The following RNF19B variants were observed in gnomAD, a reference collection of about 807,000 sequenced individuals.
The protein encoded by RNF19B is E3 ubiquitin-protein ligase RNF19B.
In RNF19B, 23 loss-of-function variants were observed where a neutral mutation model predicts 65.5. The observed-to-expected ratio is 0.35, with a 90% CI of 0.25 to 0.50. The LOEUF is 0.50. RNF19B is among the 20% of genes least tolerant of loss of function. The probability of loss-of-function intolerance (pLI) is 0.98; values close to 1 mark genes in which losing one functional copy is unlikely to be tolerated. For synonymous variants in RNF19B, 372 were observed against 379.6 expected, an observed-to-expected ratio of 0.98 and a Z score of 0.23; for missense variants, 794 against 980.0, an observed-to-expected ratio of 0.81 and a Z score of 2.53.
intron 5 of RNF19B, 97 bp from the exon 6 acceptor site, chr1:32,944,256 G>T: frequency 7.3e-7 from 1 of 1,365,370 alleles, no homozygotes; most frequent in Non-Finnish European, 9.9e-7. Context: ...ACTTTATAAA[G>T]AAAGGAAGAC....
At position 32,936,902 on chromosome 1, in the gene RNF19B, G is replaced by C; in HGVS notation, c.2100C>G (p.Ala700=). Residue 700 remains alanine, a synonymous_variant, in exon 9 of 9, where the codon GCC becomes GCG. Coordinates refer to ENST00000235150, the MANE Select transcript of RNF19B (RefSeq NM_001300826.2). The part of the protein sequence containing the change: ...HTAACPSTPR[A]QGAPSPSAHM... ...GGGCACTTGGGCTCGGTGCACCTTGGGCTCTGGGGGTCGAGGGGCAGGCTG... is the reference window on the plus strand; with the variant it reads ...GGGCACTTGGGCTCGGTGCACCTTGCGCTCTGGGGGTCGAGGGGCAGGCTG... 1.2e-6 allele frequency: 2 copies of C among 1,614,048 alleles called. No homozygotes were observed. Among genetic ancestry groups the C allele is most frequent in the Non-Finnish European group, 1.7e-6 (2 of 1,179,996 alleles).
At chr1:32,938,676 C>G in intron 7 of RNF19B, 148 bp from the exon 8 acceptor site, 2 of 759,076 alleles carry the variant, frequency 2.6e-6, no homozygotes, top group Non-Finnish European at 4.3e-6. Context: ...CAAATAGATG[C>G]CCATACATTT....
chr1:32,964,368 C>T lies in RNF19B; in HGVS notation c.318G>A (p.Ala106=), dbSNP rs1259366327. 6.4e-6 allele frequency: 9 copies of T among 1,403,278 alleles called. No individual in the cohort carries two copies. Among genetic ancestry groups the T allele is most frequent in the Non-Finnish European group, 8.3e-6 (9 of 1,079,586 alleles). The allele number at this position is 1,403,278 out of a possible 1,614,324, so 86.9% of individuals were successfully genotyped here. A position where few individuals can be genotyped will look rare whatever the true frequency, so the allele number is the denominator to read the frequency against. Residue 106 remains alanine (A), a synonymous_variant, in exon 1 of 9, where the codon GCG becomes GCA. Coordinates refer to ENST00000235150, the MANE Select transcript of RNF19B (RefSeq NM_001300826.2). The surrounding 1 kb of genome is among the most constrained non-coding windows in gnomAD (Gnocchi z 6.5). ...AAEPGFDDEE[A]AEGGGPGAEE... is the part of the protein sequence containing the mutation. ...CCGCGCCCGGGCCACCGCCCTCCGC[C>T]GCCTCCTCATCGTCGAACCCAGGCT...
chr1:32,957,184 T>C (rs1570119042), intron 1 of RNF19B, among the ~76,000 whole-genome samples: 1 of 152,318 alleles, frequency 6.6e-6, no homozygotes, highest in Non-Finnish European at 1.5e-5. Flanking sequence ...TCTCTAGTCA[T>C]TTCCCAGGTA....
chr1:32,948,973 G>C (rs958993326), intron 2 of RNF19B, among the ~76,000 whole-genome samples: 1 of 152,288 alleles, frequency 6.6e-6, no homozygotes, highest in East Asian at 1.9e-4. Flanking sequence ...CCAGGAAAAA[G>C]TGAATGGCAA....
At chr1:32,959,141 G>A (rs975466868) in intron 1 of RNF19B, among the ~76,000 whole-genome samples, 1 of 152,168 alleles carries the variant, frequency 6.6e-6, no homozygotes, top group African/African-American at 2.4e-5. Context: ...TTATGGGATG[G>A]TCCAGTCTAG....
In RNF19B at chr1:32,961,449, T is replaced by A. The variant is rs567791510; in HGVS notation, c.635+2602A>T. ...CTGGTTCCACCACTTACTAGTTATA[T>A]GACCCTGAACAAGTCATTCAATTTC... On this transcript the variant is annotated intron_variant, in intron 1 of 8. Coordinates refer to ENST00000235150, the MANE Select transcript of RNF19B (RefSeq NM_001300826.2). Among the ~76,000 whole-genome samples, 92 of 152,362 alleles carry A rather than the reference T, an allele frequency of 6.0e-4. 1 individual carries two copies. The highest frequency in any genetic ancestry group is 6.8e-3 in the Middle Eastern group (2 of 294).
chr1:32,963,700 A>G (rs1181819450), intron 1 of RNF19B, among the ~76,000 whole-genome samples: 1 of 150,582 alleles, frequency 6.6e-6, no homozygotes, highest in East Asian at 2.0e-4. Flanking sequence ...CCTGGGCGGC[A>G]GGGCGAGACT....
chr1:32,962,161 A>C (rs112581891), intron 1 of RNF19B, among the ~76,000 whole-genome samples: 3 of 152,072 alleles, frequency 2.0e-5, no homozygotes, highest in Non-Finnish European at 1.5e-5. Flanking sequence ...CAGAGACAGG[A>C]TACCACTATG....
At chr1:32,943,033 C>A (rs1195139783) in intron 6 of RNF19B, among the ~76,000 whole-genome samples, 1 of 150,842 alleles carries the variant, frequency 6.6e-6, no homozygotes, top group Non-Finnish European at 1.5e-5. Context: ...CCCAGCTACT[C>A]GGGAGGCTGA....
At position 32,948,352 on chromosome 1, in the gene RNF19B, G is replaced by T; in HGVS notation, c.853C>A (p.Pro285Thr). The change falls in exon 3 of 9, where the codon CCA becomes ACA. Residue 285 changes from proline (P) to threonine (T), a missense_variant. By Grantham distance (38) the Pro-to-Thr change is conservative. Around this residue, in one of 3 missense-constraint regions of RNF19B, gnomAD observed 374 missense variants for 423.8 expected, o/e 0.88. Transcript: ENST00000235150. ...GQESGPDDIKPCPRCSAYIIK... is the reference protein window; with the variant it reads ...GQESGPDDIKTCPRCSAYIIK... Reference sequence around the variant, plus strand: ...ATGTATGCACTGCATCGTGGGCATGGCTTGATGTCATCTGCTATGAGTGGG... The same window carrying T: ...ATGTATGCACTGCATCGTGGGCATGTCTTGATGTCATCTGCTATGAGTGGG... The T allele has an allele frequency of 6.2e-7, 1 of 1,613,376 alleles. No homozygotes were observed.
chr1:32,961,526 T>C (rs1236953225), intron 1 of RNF19B, among the ~76,000 whole-genome samples: 1 of 152,124 alleles, frequency 6.6e-6, no homozygotes, highest in East Asian at 1.9e-4. Flanking sequence ...TAAACCTATC[T>C]CACAAGGTTG....
downstream of RNF19B, among the ~76,000 whole-genome samples, chr1:32,934,605 C>T (rs375355601): frequency 9.2e-5 from 14 of 152,040 alleles, no homozygotes; most frequent in African/African-American, 3.1e-4. Context: ...CACTTGAACC[C>T]GGGAGGCTGA....
intron 5 of RNF19B, among the ~76,000 whole-genome samples, chr1:32,945,048 AAATT>A (rs1642333660): frequency 6.6e-6 from 1 of 152,200 alleles, no homozygotes; most frequent in Non-Finnish European, 1.5e-5. Flanking sequence ...AGGATTAAAT[AAATT>A]AATATATGCA....
downstream of RNF19B, among the ~76,000 whole-genome samples, chr1:32,935,345 G>C (rs571614107): frequency 7.9e-5 from 12 of 151,866 alleles, no homozygotes; most frequent in Non-Finnish European, 1.3e-4. Context: ...CACCATGTTG[G>C]CCAGGCTGGT....
chr1:32,943,854 A>G (rs1170797074), intron 6 of RNF19B, among the ~76,000 whole-genome samples, 165 bp downstream of exon 6: 2 of 152,188 alleles, frequency 1.3e-5, no homozygotes, highest in Non-Finnish European at 2.9e-5. Flanking sequence ...AATTAACCTA[A>G]TAACTTTGGA....
chr1:32,952,194 C>T (rs1443905495), intron 1 of RNF19B, among the ~76,000 whole-genome samples: 21 of 151,916 alleles, frequency 1.4e-4, no homozygotes. Flanking sequence ...ATTAGTCTCA[C>T]ACAAACAATC....
intron 3 of RNF19B, 100 bp from the exon 4 acceptor site, chr1:32,946,664 T>A: frequency 9.6e-7 from 1 of 1,046,676 alleles, no homozygotes; most frequent in Non-Finnish European, 1.4e-6. Context: ...CAGTAAGGAT[T>A]AACAGAAGAG....
chr1:32,932,553 G>C (rs1642040080), downstream of RNF19B, among the ~76,000 whole-genome samples: 1 of 152,136 alleles, frequency 6.6e-6, no homozygotes, highest in Non-Finnish European at 1.5e-5. Flanking sequence ...AGGTACATTA[G>C]GTGAGCATAA....
Sources: allele counts gnomAD v4.1 joint callset (sites outside exome capture counted in the v4.1 genomes callset), GRCh38; gene constraint gnomAD v4.1.1; regional missense constraint gnomAD v4.1.1; non-coding constraint Gnocchi (gnomAD v3.1); transcripts MANE v1.5; gene names NCBI Gene and HGNC (gene_info 2026-07-23, HGNC 2026-07-21).